LIPA: variants seen among roughly 807,000 people sequenced by gnomAD.
The protein encoded by LIPA is lysosomal acid lipase/cholesteryl ester hydrolase.
In LIPA, 26 loss-of-function variants were observed where a neutral mutation model predicts 40.6. That is an observed-to-expected ratio of 0.64 (90% confidence interval 0.47 to 0.89). LIPA has a LOEUF of 0.89. Among genes scored for constraint, LIPA ranks in the 40% least tolerant of loss-of-function variants. The probability of loss-of-function intolerance (pLI) is 0.00; values close to 1 mark genes in which losing one functional copy is unlikely to be tolerated. For missense variants in LIPA, 455 were observed against 479.6 expected (o/e 0.95, Z 0.48); for synonymous variants, 188 against 168.4 (o/e 1.12, Z -0.90).
chr10:89,222,702 G>A lies in LIPA; in HGVS notation c.823-120C>T, dbSNP rs1046418949. The A allele has an allele frequency of 5.5e-6, 4 of 731,776 alleles. No individual in the cohort carries two copies. In the African/African-American group the frequency reaches 6.9e-5, roughly 13 times the overall value. 45.3% of individuals were successfully genotyped at this position (731,776 alleles called of 1,614,324 possible). ...TAGAGCCATAATCTCAAGTATGTGA[G>A]ATGAGAGGTAGAAAAAAATTATTTG... On this transcript the variant is annotated intron_variant, in intron 7 of 9. Transcript: ENST00000336233.
intron 6 of LIPA, among the ~76,000 whole-genome samples, chr10:89,224,479 A>G (rs1156659851): frequency 6.6e-6 from 1 of 152,072 alleles, no homozygotes; most frequent in Non-Finnish European, 1.5e-5. Flanking sequence ...AGGATTTCAT[A>G]TGTGTGTGTG....
At chr10:89,366,209 A>G (rs2133594864) in intron 2 of LIPA, among the ~76,000 whole-genome samples, 1 of 152,246 alleles carries the variant, frequency 6.6e-6, no homozygotes, top group East Asian at 1.9e-4. Flanking sequence ...TTCTCTTTGA[A>G]GCAGTTGTGA....
At chr10:89,334,931 T>C (rs1843712306) in intron 1 of LIPA, among the ~76,000 whole-genome samples, 1 of 152,048 alleles carries the variant, frequency 6.6e-6, no homozygotes, top group Admixed American at 6.5e-5. Flanking sequence ...AAAACACATA[T>C]GAGATAAATT....
chr10:89,226,887 A>C lies in LIPA; in HGVS notation c.538+8T>G. On this transcript the variant is annotated splice_region_variant and intron_variant, in intron 5 of 9. Coordinates refer to ENST00000336233, the MANE Select transcript of LIPA (RefSeq NM_000235.4). ...TATATCAACTTCTGATCTTATTTAC[A>C]TACATACCTATAGTGGTGCCTTGAG... 1 of 1,432,588 alleles carries C rather than the reference A, an allele frequency of 7.0e-7. No homozygotes were observed. The highest frequency in any genetic ancestry group is 9.9e-7 in the Non-Finnish European group (1 of 1,015,210). The allele number at this position is 1,432,588 out of a possible 1,614,324, so 88.7% of individuals were successfully genotyped here.
intron 3 of LIPA, among the ~76,000 whole-genome samples, chr10:89,234,854 G>A (rs991185213): frequency 2.6e-5 from 4 of 152,260 alleles, no homozygotes; most frequent in African/African-American, 9.6e-5. Flanking sequence ...TGTAGGTACT[G>A]TACTGAAAAT....
chr10:89,333,122 T>G (rs974815943), intron 1 of LIPA, among the ~76,000 whole-genome samples: 1 of 152,206 alleles, frequency 6.6e-6, no homozygotes, highest in Non-Finnish European at 1.5e-5. Context: ...TGAAATGCAC[T>G]TTTTCATAAT....
chr10:89,241,847 C>G lies in LIPA; in HGVS notation c.229+3829G>C, dbSNP rs1842968922. Among the ~76,000 whole-genome samples, 3 of 152,234 alleles carry G rather than the reference C, an allele frequency of 2.0e-5. No individual in the cohort carries two copies. In the South Asian group the frequency reaches 6.2e-4, roughly 32 times the overall value. On this transcript the variant is annotated intron_variant, in intron 3 of 9. Transcript: ENST00000336233. ...TATATTGTGCCTATCATGGCATCAA[C>G]TTGGTTAATATTTATTATGTAAGGC... is the stretch of plus-strand genomic sequence containing the variant.
chr10:89,227,687 G>C (rs74149932), intron 4 of LIPA, among the ~76,000 whole-genome samples: 7,913 of 152,256 alleles, frequency 0.052, 689 homozygotes, highest in African/African-American at 0.18. Flanking sequence ...TTCTGTGGAG[G>C]TTCCTTCTCT....
intron 1 of LIPA, among the ~76,000 whole-genome samples, chr10:89,286,327 T>A (rs1000308346): frequency 5.9e-5 from 9 of 151,766 alleles, no homozygotes; most frequent in Non-Finnish European, 1.2e-4. Context: ...ACCTCTCCCC[T>A]CCTCCCCAGG....
At chr10:89,307,995 G>A (rs2133523646) in intron 1 of LIPA, 1 of 152,948 alleles carries the variant, frequency 6.5e-6, no homozygotes, top group Admixed American at 6.5e-5. Context: ...CGAGGGCAGA[G>A]AACAGGAAGA....
Position 89,392,088 on chromosome 10 carries a change from C to G in LIPA, c.61+20703G>C, listed in dbSNP as rs936306897. 3.9e-5 allele frequency among the ~76,000 whole-genome samples: 6 copies of G among 152,276 alleles called. No individual in the cohort carries two copies. In the East Asian group the frequency reaches 1.2e-3, roughly 29 times the overall value. ...GTTAGAAGGCTTTCTAGGTATTGGT[C>G]TCTTTCCTTCATTCCTAAACCAGAT... is the stretch of plus-strand genomic sequence containing the variant. On this transcript the variant is annotated intron_variant, in intron 2 of 8. Coordinates refer to the LIPA transcript ENST00000371837.
At chr10:89,316,388 G>A (rs186770050) in intron 1 of LIPA, among the ~76,000 whole-genome samples, 59 of 152,294 alleles carry the variant, frequency 3.9e-4, no homozygotes, top group Admixed American at 5.9e-4. Flanking sequence ...CTTTTCCAAC[G>A]GTCTTAGCAA....
chr10:89,378,275 C>T, intron 2 of LIPA: 1 of 803,912 alleles, frequency 1.2e-6, no homozygotes, highest in Non-Finnish European at 2.1e-6. Flanking sequence ...CTGATAGGCA[C>T]CCTCAACATG....
chr10:89,387,463 G>C (rs1169208408), intron 2 of LIPA, among the ~76,000 whole-genome samples: 6 of 152,108 alleles, frequency 3.9e-5, no homozygotes, highest in Non-Finnish European at 5.9e-5. Context: ...CATGCAATAT[G>C]GGCCAGCGAA....
At chr10:89,276,958 G>A (rs902409442) in intron 1 of LIPA, among the ~76,000 whole-genome samples, 1 of 152,146 alleles carries the variant, frequency 6.6e-6, no homozygotes, top group Non-Finnish European at 1.5e-5. Context: ...GCCCTGTCTC[G>A]ACCCTCCATC....
intron 1 of LIPA, chr10:89,306,358 G>A (rs1333532216): frequency 6.2e-7 from 1 of 1,614,166 alleles, no homozygotes; most frequent in Non-Finnish European, 8.5e-7. Flanking sequence ...ATAGAATTGA[G>A]AGTCCAGAGC....
intron 2 of LIPA, among the ~76,000 whole-genome samples, chr10:89,377,229 T>C (rs1844128257): frequency 6.6e-6 from 1 of 152,242 alleles, no homozygotes; most frequent in Admixed American, 6.5e-5. Context: ...TGGTTGTTGC[T>C]TTGTAACAGA....
At chr10:89,288,666 C>T (rs934463114) in intron 1 of LIPA, among the ~76,000 whole-genome samples, 2 of 152,064 alleles carry the variant, frequency 1.3e-5, no homozygotes, top group African/African-American at 4.8e-5. Context: ...GCAGTTCCAC[C>T]AGGCCTAATC....
intron 1 of LIPA, among the ~76,000 whole-genome samples, chr10:89,294,202 CAA>C (rs752745415): frequency 2.0e-5 from 3 of 152,266 alleles, no homozygotes; most frequent in Admixed American, 6.5e-5. Context: ...TTACCCGCAT[CAA>C]GTTTCCACTC....
Sources: gnomAD v4.1 joint callset for allele counts (sites outside exome capture counted in the v4.1 genomes callset) on GRCh38, gnomAD v4.1.1 for gene constraint, MANE v1.5 for transcripts, NCBI Gene and HGNC (gene_info 2026-07-23, HGNC 2026-07-21) for gene names.